UCHL3: variants seen among roughly 807,000 people sequenced by gnomAD.
UCHL3 encodes the protein ubiquitin carboxyl-terminal hydrolase isozyme L3.
UCHL3 carries 22 observed loss-of-function variants against 35.8 expected under a neutral mutation model. The observed-to-expected ratio is 0.61, with a 90% CI of 0.44 to 0.88. The LOEUF (loss-of-function observed/expected upper bound fraction) is 0.88, where lower values mean the gene tolerates loss of function less well. Among genes scored for constraint, UCHL3 ranks in the 40% least tolerant of loss-of-function variants. The probability of loss-of-function intolerance (pLI) is 0.00; values close to 1 mark genes in which losing one functional copy is unlikely to be tolerated. For synonymous variants in UCHL3, 90 were observed against 92.8 expected, an observed-to-expected ratio of 0.97 and a Z score of 0.17; for missense variants, 229 against 276.9, an observed-to-expected ratio of 0.83 and a Z score of 1.23.
At chr13:75,554,276 G>T (rs1313259906) in intron 2 of UCHL3, among the ~76,000 whole-genome samples, 3 of 152,044 alleles carry the variant, frequency 2.0e-5, no homozygotes, top group Non-Finnish European at 4.4e-5. Flanking sequence ...TGTTTCCCAG[G>T]CTGGTCTCAA....
Position 75,592,453 on chromosome 13 carries a change from T to TGTATATATGTATATAC in UCHL3, c.475-2462_475-2461insGTATATATGTATATAC, listed in dbSNP as rs1186644424. 2.9e-4 allele frequency among the ~76,000 whole-genome samples: 30 copies of TGTATATATGTATATAC among 102,200 alleles called. 1 individual carries two copies. The highest frequency in any genetic ancestry group is 9.5e-4 in the African/African-American group (29 of 30,548). 67.0% of individuals were successfully genotyped at this position (102,200 alleles called of 152,430 possible). On this transcript the variant is annotated intron_variant, in intron 6 of 8. Coordinates refer to ENST00000377595, the MANE Select transcript of UCHL3 (RefSeq NM_006002.5). The stretch of plus-strand genomic sequence containing the variant: ...ATATATATATATATATATATATATA[T>TGTATATATGTATATAC]ATATATATATATATGAAGGAAAAAA...
intron 8 of UCHL3, among the ~76,000 whole-genome samples, chr13:75,605,099 A>G (rs2032898937): frequency 6.6e-6 from 1 of 152,256 alleles, no homozygotes; most frequent in African/African-American, 2.4e-5. Flanking sequence ...CAAATCCAGG[A>G]TACCATTAAT....
rs571961516 is a variant in UCHL3, at chr13:75,604,685, C to A, written c.551-84C>A. 3.7e-5 allele frequency: 43 copies of A among 1,150,600 alleles called. No individual in the cohort carries two copies. In the South Asian group the frequency reaches 7.4e-4, roughly 20 times the overall value. 71.3% of individuals were successfully genotyped at this position (1,150,600 alleles called of 1,614,324 possible). Reference sequence around the variant, plus strand: ...ATGGCTTTTAACTTTTCTTGCCTCACTGGGGGAAGAGGAAAATGGAAGTTG... The same window carrying A: ...ATGGCTTTTAACTTTTCTTGCCTCAATGGGGGAAGAGGAAAATGGAAGTTG... On this transcript the variant is annotated intron_variant, in intron 7 of 8. Coordinates refer to ENST00000377595, the MANE Select transcript of UCHL3 (RefSeq NM_006002.5).
chr13:75,574,823 C>T (rs538480711), intron 6 of UCHL3, among the ~76,000 whole-genome samples: 1 of 152,204 alleles, frequency 6.6e-6, no homozygotes, highest in Non-Finnish European at 1.5e-5. Context: ...ACTTTTCAGC[C>T]TACTGAGTTT....
chr13:75,592,449 T>TACATATATAC (rs1299999584), intron 6 of UCHL3, among the ~76,000 whole-genome samples: 50 of 105,538 alleles, frequency 4.7e-4, no homozygotes, highest in Non-Finnish European at 7.6e-4. Flanking sequence ...TATATATATA[T>TACATATATAC]ATATATATAT....
At chr13:75,567,481 T>C (rs943471053) in intron 5 of UCHL3, among the ~76,000 whole-genome samples, 169 bp downstream of exon 5, 1 of 152,220 alleles carries the variant, frequency 6.6e-6, no homozygotes, top group Non-Finnish European at 1.5e-5. Context: ...TATCCACAAA[T>C]GCTGATAAGT....
chr13:75,557,697 C>T (rs2031340062), intron 2 of UCHL3, among the ~76,000 whole-genome samples: 1 of 152,122 alleles, frequency 6.6e-6, no homozygotes, highest in African/African-American at 2.4e-5. Flanking sequence ...TTAAGACCAT[C>T]ATTTTGTGTT....
intron 2 of UCHL3, among the ~76,000 whole-genome samples, chr13:75,550,266 A>G (rs2031037208): frequency 6.6e-6 from 1 of 152,014 alleles, no homozygotes; most frequent in Non-Finnish European, 1.5e-5. Flanking sequence ...TTTACCCTGT[A>G]TTCCTATTCC....
chr13:75,567,269 C>G lies in UCHL3; in HGVS notation c.383C>G (p.Ser128Ter). The G allele has an allele frequency of 1.2e-6, 2 of 1,614,106 alleles. No individual in the cohort carries two copies. The highest frequency in any genetic ancestry group is 1.7e-6 in the Non-Finnish European group (2 of 1,180,014). Reference protein sequence around the residue: ...TLKKFLEESVSMSPEERARYL... With the variant: ...TLKKFLEESV ...AAAAAATTCCTGGAGGAATCTGTGT[C>G]AATGAGCCCTGAAGAACGAGCCAGA... The change falls in exon 5 of 9, where the codon TCA (serine) becomes TGA (stop). Residue 128 changes from serine to a stop codon, truncating the protein, a stop_gained. Transcript: ENST00000377595. LOFTEE classifies it high-confidence loss of function.
chr13:75,604,236 AT>A (rs1250981059), intron 7 of UCHL3, among the ~76,000 whole-genome samples: 5 of 152,172 alleles, frequency 3.3e-5, no homozygotes, highest in Non-Finnish European at 7.4e-5. Context: ...GTACTAGTTT[AT>A]TTAAGTTGAT....
At chr13:75,584,545 G>A (rs1252045368) in intron 6 of UCHL3, among the ~76,000 whole-genome samples, 3 of 152,120 alleles carry the variant, frequency 2.0e-5, no homozygotes, top group Non-Finnish European at 4.4e-5. Flanking sequence ...GATGAGACAC[G>A]CCCATTTTTA....
At chr13:75,576,266 G>T (rs767846492) in intron 6 of UCHL3, among the ~76,000 whole-genome samples, 1 of 151,910 alleles carries the variant, frequency 6.6e-6, no homozygotes, top group Non-Finnish European at 1.5e-5. Flanking sequence ...GTCTCGCTCT[G>T]TCTCCCAGGC....
At chr13:75,587,315 A>G (rs1357518932) in intron 6 of UCHL3, among the ~76,000 whole-genome samples, 1 of 152,104 alleles carries the variant, frequency 6.6e-6, no homozygotes, top group African/African-American at 2.4e-5. Flanking sequence ...AAAAGATACT[A>G]AGGAGACATG....
At chr13:75,600,854 A>T (rs982923517) in intron 7 of UCHL3, among the ~76,000 whole-genome samples, 3 of 152,326 alleles carry the variant, frequency 2.0e-5, no homozygotes, top group Non-Finnish European at 2.9e-5. Flanking sequence ...TGGATCTGAG[A>T]ATAGTAAATT....
At chr13:75,573,766 C>T (rs1000397529) in intron 6 of UCHL3, among the ~76,000 whole-genome samples, 1 of 152,162 alleles carries the variant, frequency 6.6e-6, no homozygotes, top group Non-Finnish European at 1.5e-5. Context: ...AATATAGTCA[C>T]GTTGAAGGTT....
intron 7 of UCHL3, among the ~76,000 whole-genome samples, chr13:75,596,589 A>G (rs1015603848): frequency 6.6e-6 from 1 of 152,242 alleles, no homozygotes; most frequent in Non-Finnish European, 1.5e-5. Flanking sequence ...TGTAGGATTC[A>G]TAACCAGAGA....
intron 6 of UCHL3, among the ~76,000 whole-genome samples, chr13:75,594,271 A>G (rs1006010543): frequency 6.6e-6 from 1 of 152,230 alleles, no homozygotes. Context: ...ATCACAGGCT[A>G]CTGTGAATTG....
chr13:75,571,357 C>T (rs191304710), intron 6 of UCHL3, among the ~76,000 whole-genome samples: 92 of 152,196 alleles, frequency 6.0e-4, no homozygotes, highest in African/African-American at 2.0e-3. Flanking sequence ...CAGACCTAAC[C>T]GCCTTCATTC....
At chr13:75,558,160 C>T (rs551624653) in intron 2 of UCHL3, among the ~76,000 whole-genome samples, 4 of 152,216 alleles carry the variant, frequency 2.6e-5, no homozygotes, top group African/African-American at 9.6e-5. Context: ...TTCTTTATAT[C>T]TATCTCATTT....
Sources: allele counts gnomAD v4.1 joint callset (sites outside exome capture counted in the v4.1 genomes callset), GRCh38; gene constraint gnomAD v4.1.1; transcripts MANE v1.5; gene names NCBI Gene and HGNC (gene_info 2026-07-23, HGNC 2026-07-21).